The following ZNF280C variants were observed in gnomAD, a reference collection of about 807,000 sequenced individuals.
The protein encoded by ZNF280C is zinc finger protein 280C.
ZNF280C carries 14 observed loss-of-function variants against 53.6 expected under a neutral mutation model. That is an observed-to-expected ratio of 0.26 (90% CI 0.17 to 0.41). The LOEUF is 0.41. Ranked by LOEUF, ZNF280C falls within the 10% of genes least tolerant of loss-of-function variation. ZNF280C has a pLI of 1.00. For synonymous variants in ZNF280C, 203 were observed against 181.1 expected, an observed-to-expected ratio of 1.12 and a Z score of -0.97; for missense variants, 416 against 547.1, an observed-to-expected ratio of 0.76 and a Z score of 2.39.
intron 8 of ZNF280C, among the ~76,000 whole-genome samples, chrX:130,234,232 AAAC>A (rs758033152): frequency 5.3e-5 from 6 of 112,388 alleles, no homozygotes; most frequent in Middle Eastern, 4.2e-3. Context: ...AGGCAGGTGG[AAAC>A]AATAAGAAAG....
intron 1 of ZNF280C, among the ~76,000 whole-genome samples, chrX:130,264,043 A>AAAAG (rs766511417): frequency 0.023 from 2,347 of 102,982 alleles, 34 homozygotes; most frequent in African/African-American, 0.038. Flanking sequence ...AAAAAAAAAG[A>AAAAG]AAAGAAAGAA....
chrX:130,258,224 T>C (rs2032595758), intron 2 of ZNF280C, among the ~76,000 whole-genome samples: 1 of 112,171 alleles, frequency 8.9e-6, no homozygotes, highest in South Asian at 3.7e-4. Context: ...AAAAACAAAA[T>C]AAAACTTCTT....
intron 12 of ZNF280C, among the ~76,000 whole-genome samples, 188 bp from the exon 13 acceptor site, chrX:130,220,668 A>C (rs2032153676): frequency 8.9e-6 from 1 of 111,840 alleles, no homozygotes; most frequent in African/African-American, 3.2e-5. Context: ...CAAAAGCATT[A>C]GTTACCATAT....
At chrX:130,252,743 C>T (rs2032528676) in intron 2 of ZNF280C, among the ~76,000 whole-genome samples, 1 of 109,178 alleles carries the variant, frequency 9.2e-6, no homozygotes, top group African/African-American at 3.4e-5. Context: ...TCTCAATAAA[C>T]TAGGTATTAA....
At chrX:130,221,958 C>T (rs2032168883) in intron 12 of ZNF280C, among the ~76,000 whole-genome samples, 1 of 111,282 alleles carries the variant, frequency 9.0e-6, no homozygotes, top group Non-Finnish European at 1.9e-5. Flanking sequence ...CATTCTCTTG[C>T]TACAATTTCA....
In ZNF280C at chrX:130,236,687, T is replaced by C. The variant is rs772331224; in HGVS notation, c.494-48A>G. 1.1e-4 allele frequency: 102 copies of C among 949,763 alleles called. No homozygotes were observed. In the East Asian group the frequency reaches 3.1e-3, roughly 29 times the overall value. The allele number at this position is 949,763 out of a possible 1,213,427, so 78.3% of individuals were successfully genotyped here. ...AAAGATATTTGTAAATATTTCAGTA[T>C]GGAATATTGCTTATGTAAAACTGCT... On this transcript the variant is annotated intron_variant, in intron 6 of 18. Coordinates refer to ENST00000370978, the MANE Select transcript of ZNF280C (RefSeq NM_017666.5).
intron 1 of ZNF280C, among the ~76,000 whole-genome samples, chrX:130,266,927 C>T (rs1445134990): frequency 9.0e-6 from 1 of 110,823 alleles, no homozygotes; most frequent in Non-Finnish European, 1.9e-5. Context: ...ATAGTGAAAC[C>T]CCATCTCTAC....
intron 8 of ZNF280C, 115 bp from the exon 9 acceptor site, chrX:130,230,842 A>G: frequency 2.2e-6 from 1 of 448,625 alleles, no homozygotes; most frequent in Non-Finnish European, 3.5e-6. Flanking sequence ...TTGGCAATGT[A>G]TCTAGAAAGA....
chrX:130,260,558 G>A, intron 1 of ZNF280C, 93 bp from the exon 2 acceptor site: 1 of 681,113 alleles, frequency 1.5e-6, no homozygotes, highest in Non-Finnish European at 2.1e-6. Context: ...AAAATCTTTG[G>A]GTCTAATTTT....
chrX:130,247,221 G>A (rs1569438692), intron 2 of ZNF280C, among the ~76,000 whole-genome samples: 1 of 111,824 alleles, frequency 8.9e-6, no homozygotes, highest in Non-Finnish European at 1.9e-5. Context: ...CGATTCTCCT[G>A]CCTCAGCCTC....
rs770944520 is a variant in ZNF280C at position 130,236,568 on chromosome X, GT to G, written c.564del (p.Lys188AsnfsTer11). 3 of 1,205,216 alleles carry G rather than the reference GT, an allele frequency of 2.5e-6. No individual in the cohort carries two copies. The highest frequency in any genetic ancestry group is 3.4e-6 in the Non-Finnish European group (3 of 890,911). ...TSKVNSVTPK[K>X]PKTSEDVPQI... ...TGAGGAACATCTTCACTGGTCTTTG[GT>G]TTTTTTGGAGTAACACTGTTTACTT... On this transcript the variant is annotated frameshift_variant, in exon 7 of 19. Transcript: ENST00000370978. LOFTEE classifies it high-confidence loss of function.
intron 1 of ZNF280C, among the ~76,000 whole-genome samples, chrX:130,267,410 ATAC>A (rs1329451309): frequency 8.9e-6 from 1 of 111,788 alleles, no homozygotes; most frequent in Non-Finnish European, 1.9e-5. Flanking sequence ...GAGACATAAT[ATAC>A]CAAATTGAAC....
intron 16 of ZNF280C, among the ~76,000 whole-genome samples, chrX:130,208,076 G>GT (rs1187570975): frequency 1.5e-4 from 17 of 112,193 alleles, no homozygotes; most frequent in Non-Finnish European, 2.3e-4. Flanking sequence ...TAACAAAATA[G>GT]TAATTATGAA....
intron 5 of ZNF280C, among the ~76,000 whole-genome samples, chrX:130,240,747 T>C (rs933222103): frequency 1.8e-5 from 2 of 111,805 alleles, no homozygotes; most frequent in Non-Finnish European, 3.8e-5. Context: ...TTATGTCTCA[T>C]AAAATATTTC....
intron 13 of ZNF280C, 136 bp downstream of exon 13, chrX:130,220,213 A>C: frequency 2.0e-6 from 1 of 497,771 alleles, no homozygotes; most frequent in Non-Finnish European, 3.0e-6. Context: ...AATACACAAT[A>C]AATTATTGTT....
chrX:130,268,025 T>C (rs2032708091), intron 1 of ZNF280C, among the ~76,000 whole-genome samples: 1 of 112,020 alleles, frequency 8.9e-6, no homozygotes, highest in Admixed American at 9.4e-5. Context: ...TGAGAGAAGT[T>C]GAAAGGAACT....
intron 8 of ZNF280C, 143 bp downstream of exon 8, chrX:130,236,071 T>C (rs1287832131): frequency 5.5e-6 from 2 of 362,064 alleles, no homozygotes; most frequent in African/African-American, 5.3e-5. Context: ...AATATCAATT[T>C]TAACTTAAGT....
At chrX:130,219,457 A>C (rs1408642457) in intron 13 of ZNF280C, among the ~76,000 whole-genome samples, 4 of 90,966 alleles carry the variant, frequency 4.4e-5, no homozygotes, top group Non-Finnish European at 8.4e-5. Flanking sequence ...ACTGCACTCC[A>C]GCCTGAGGGA....
At chrX:130,205,876 A>T (rs1464723230) in intron 16 of ZNF280C, among the ~76,000 whole-genome samples, 2 of 90,438 alleles carry the variant, frequency 2.2e-5, no homozygotes, top group African/African-American at 4.2e-5. Context: ...AGACTATGTT[A>T]AAAAAAAAAA....
Sources: gnomAD v4.1 joint callset for allele counts (sites outside exome capture counted in the v4.1 genomes callset) on GRCh38, gnomAD v4.1.1 for gene constraint, MANE v1.5 for transcripts, NCBI Gene and HGNC (gene_info 2026-07-23, HGNC 2026-07-21) for gene names.